SAMD8: variants seen among roughly 807,000 people sequenced by gnomAD.
The protein encoded by SAMD8 is sphingomyelin synthase-related protein 1.
SAMD8 carries 20 observed loss-of-function variants against 42.0 expected under a neutral mutation model. The ratio of observed to expected loss-of-function variants is 0.48; its 90% CI spans 0.34 to 0.69. SAMD8 has a LOEUF of 0.69. Ranked by LOEUF, SAMD8 falls within the 30% of genes least tolerant of loss-of-function variation. SAMD8 has a pLI of 0.01. For missense variants in SAMD8, 328 were observed against 511.6 expected, an observed-to-expected ratio of 0.64 and a Z score of 3.46; for synonymous variants, 162 against 173.0, an observed-to-expected ratio of 0.94 and a Z score of 0.50.
intron 1 of SAMD8, chr10:75,101,782 C>A: frequency 4.6e-6 from 4 of 875,850 alleles, no homozygotes; most frequent in African/African-American, 1.7e-5. Context: ...CCCCTCCCCA[C>A]ACAGGCACAA....
chr10:75,113,491 G>T (rs1848816866), intron 1 of SAMD8, among the ~76,000 whole-genome samples: 1 of 151,732 alleles, frequency 6.6e-6, no homozygotes, highest in African/African-American at 2.4e-5. Flanking sequence ...ACTGCAGGTG[G>T]GCGCCACCAT....
At position 75,180,997 on chromosome 10, in the gene SAMD8, A is replaced by G. The variant is rs1178130287; in HGVS notation, c.*4305A>G. On this transcript the variant is annotated 3_prime_UTR_variant, in exon 6 of 6. Coordinates refer to ENST00000542569, the MANE Select transcript of SAMD8 (RefSeq NM_001174156.2). ...CCACATTCTTGTTTTAAACTCTCTA[A>G]TTTAATAAATGTAATTATTTTATAG... 6.6e-6 allele frequency: 1 copy of G among 152,182 alleles called. No homozygotes were observed. The highest frequency in any genetic ancestry group is 6.5e-5 in the Admixed American group (1 of 15,274). 9.4% of individuals were successfully genotyped at this position (152,182 alleles called of 1,614,324 possible).
In SAMD8 at chr10:75,150,796, A is replaced by T. The variant is rs1271292911; in HGVS notation, c.268A>T (p.Ser90Cys). 6.2e-7 allele frequency: 1 copy of T among 1,614,096 alleles called. No individual in the cohort carries two copies. The highest frequency in any genetic ancestry group is 2.2e-5 in the East Asian group (1 of 44,896). Residue 90 changes from serine to cysteine, a missense_variant, in exon 2 of 6, where the codon AGT becomes TGT. Coordinates refer to ENST00000542569, the MANE Select transcript of SAMD8 (RefSeq NM_001174156.2). ...IDVLEEMGYN[S>C]DSPMGSMTPF... ...TGTTTTAGAAGAGATGGGCTACAAC[A>T]GTGACAGTCCCATGGGTTCCATGAC...
intron 1 of SAMD8, among the ~76,000 whole-genome samples, chr10:75,129,220 A>G (rs1467450944): frequency 6.6e-6 from 1 of 151,770 alleles, no homozygotes; most frequent in African/African-American, 2.4e-5. Flanking sequence ...TCCCCAGCTC[A>G]AGTGACTCTT....
intron 1 of SAMD8, among the ~76,000 whole-genome samples, chr10:75,131,525 G>A (rs576951906): frequency 1.4e-4 from 22 of 152,082 alleles, no homozygotes; most frequent in South Asian, 1.0e-3. Context: ...TAGAAGCTTA[G>A]AATCTGTCTA....
rs1020416492 is a variant in SAMD8, at chr10:75,181,334, G to C, written c.*4642G>C. ...TTCAGGTGACTAATAAGAATGGAAA[G>C]AGACTGAGTAGGTTTTTTGTTTCTT... On this transcript the variant is annotated 3_prime_UTR_variant, in exon 6 of 6. Coordinates refer to ENST00000542569, the MANE Select transcript of SAMD8 (RefSeq NM_001174156.2). 6.6e-6 allele frequency: 1 copy of C among 152,242 alleles called. No homozygotes were observed. 9.4% of individuals were successfully genotyped at this position (152,242 alleles called of 1,614,324 possible).
chr10:75,106,298 C>G (rs1848504266), intron 1 of SAMD8, among the ~76,000 whole-genome samples: 1 of 151,752 alleles, frequency 6.6e-6, no homozygotes, highest in African/African-American at 2.4e-5. Context: ...TCAGATTGTC[C>G]CTCCCCCACC....
rs528371016 is a variant in SAMD8 at position 75,165,425 on chromosome 10, C to T, written c.674+685C>T. Among the ~76,000 whole-genome samples, 50 of 152,158 alleles carry T rather than the reference C, an allele frequency of 3.3e-4. No homozygotes were observed. The South Asian group carries it at 0.01, about 32-fold the overall frequency. On this transcript the variant is annotated intron_variant, in intron 3 of 5. Transcript: ENST00000542569. ...GTGGCTCATGCCTGTAATCCCAGCA[C>T]TTTGGGAGGGCAAGGCAGGCGGATC...
chr10:75,125,972 C>T (rs1849122730), intron 1 of SAMD8: 1 of 152,138 alleles, frequency 6.6e-6, no homozygotes, highest in African/African-American at 2.4e-5. Flanking sequence ...ATCATCTGGC[C>T]CCAGTTTATA....
rs562755719 is a variant in SAMD8, at chr10:75,175,829, A to G, written c.793-237A>G. 2.1e-6 allele frequency: 2 copies of G among 966,974 alleles called. 1 individual carries two copies. Among genetic ancestry groups the G allele is most frequent in the South Asian group, 9.6e-5 (2 of 20,916 alleles). 59.9% of individuals were successfully genotyped at this position (966,974 alleles called of 1,614,324 possible). A position where few individuals can be genotyped will look rare whatever the true frequency, so the allele number is the denominator to read the frequency against. On this transcript the variant is annotated intron_variant, in intron 4 of 5. Transcript: ENST00000542569. The stretch of plus-strand genomic sequence containing the variant: ...CTCCCAAAGTGCTGGGATTACAGGC[A>G]TGAGCCACTGTGCCCAGTCTGATTT...
At chr10:75,128,032 C>T (rs966691967) in intron 1 of SAMD8, among the ~76,000 whole-genome samples, 7 of 151,540 alleles carry the variant, frequency 4.6e-5, no homozygotes, top group Non-Finnish European at 8.8e-5. Flanking sequence ...TTTTAACAGC[C>T]CTCTAAAATT....
upstream of SAMD8, among the ~76,000 whole-genome samples, chr10:75,107,663 G>A (rs1323281912): frequency 1.3e-5 from 2 of 151,930 alleles, no homozygotes; most frequent in East Asian, 1.9e-4. Flanking sequence ...TGCAACCTCC[G>A]CCCCCCATGT....
chr10:75,150,957 A>G lies in SAMD8; in HGVS notation c.429A>G (p.Arg143=). The G allele has an allele frequency of 4.3e-6, 7 of 1,613,296 alleles. No individual in the cohort carries two copies. Among genetic ancestry groups the G allele is most frequent in the Non-Finnish European group, 5.9e-6 (7 of 1,179,768 alleles). ...ATGGTAAAAACAAACATTCTGTTCG[A>G]AGATTGGACCCAGAATACTGGAAGA... is the stretch of plus-strand genomic sequence containing the variant. ...YMNGKNKHSV[R]RLDPEYWKTI... is the part of the protein sequence containing the mutation. Residue 143 remains arginine, a synonymous_variant, in exon 2 of 6, where the codon CGA becomes CGG. Transcript: ENST00000542569.
chr10:75,163,086 G>A (rs1378730464), intron 2 of SAMD8, among the ~76,000 whole-genome samples: 5 of 151,884 alleles, frequency 3.3e-5, no homozygotes, highest in African/African-American at 4.8e-5. Context: ...CACCATGCCC[G>A]GCTAATTTTT....
At chr10:75,105,926 G>C in intron 1 of SAMD8, 1 of 1,500,782 alleles carries the variant, frequency 6.7e-7, no homozygotes, top group Non-Finnish European at 9.0e-7. Context: ...CCCACGGGCT[G>C]GGATGGGGAC....
intron 1 of SAMD8, among the ~76,000 whole-genome samples, chr10:75,143,960 T>C: frequency 6.6e-6 from 1 of 151,756 alleles, no homozygotes. Flanking sequence ...AAATTTATAA[T>C]TTAAACTTTT....
At chr10:75,131,077 C>A (rs1348652298) in intron 1 of SAMD8, among the ~76,000 whole-genome samples, 1 of 152,214 alleles carries the variant, frequency 6.6e-6, no homozygotes. Flanking sequence ...AGGCAAAGAT[C>A]AAGCAGTTGT....
At chr10:75,133,045 A>C (rs1435118436) in intron 1 of SAMD8, among the ~76,000 whole-genome samples, 1 of 152,156 alleles carries the variant, frequency 6.6e-6, no homozygotes, top group Non-Finnish European at 1.5e-5. Context: ...AATGATCCTG[A>C]TTGACTGTTG....
chr10:75,160,527 G>GA (rs1240399403), intron 2 of SAMD8, among the ~76,000 whole-genome samples: 2 of 151,858 alleles, frequency 1.3e-5, no homozygotes, highest in African/African-American at 4.8e-5. Flanking sequence ...ATTATATCCA[G>GA]AAAAAAGACA....
Sources: gnomAD v4.1 joint callset for allele counts (sites outside exome capture counted in the v4.1 genomes callset) on GRCh38, gnomAD v4.1.1 for gene constraint, MANE v1.5 for transcripts, NCBI Gene and HGNC (gene_info 2026-07-23, HGNC 2026-07-21) for gene names.